The following SLC35A3 variants were observed in gnomAD, a reference collection of about 807,000 sequenced individuals.
The protein encoded by SLC35A3 is solute carrier family 35 member A3.
In SLC35A3, 26 loss-of-function variants were observed where a neutral mutation model predicts 39.0. That is an observed-to-expected ratio of 0.67 (90% confidence interval 0.49 to 0.92). SLC35A3 has a LOEUF of 0.92. Among genes scored for constraint, SLC35A3 ranks in the 40% least tolerant of loss-of-function variants. The pLI is 0.00. For synonymous variants in SLC35A3, 135 were observed against 133.1 expected, an observed-to-expected ratio of 1.01 and a Z score of -0.10; for missense variants, 299 against 371.6, an observed-to-expected ratio of 0.80 and a Z score of 1.61.
At chr1:99,997,398 TTATATATAGTTTTATATATATATATATA>T (rs1456745318) in intron 2 of SLC35A3, among the ~76,000 whole-genome samples, 1 of 102,056 alleles carries the variant, frequency 9.8e-6, no homozygotes, top group South Asian at 3.5e-4. Flanking sequence ...GTTATATGTT[TTATATATAGTTTTATATATATATATATA>T]TATATATATA....
At chr1:99,971,229 A>G (rs1433660618) in intron 1 of SLC35A3, among the ~76,000 whole-genome samples, 1 of 152,012 alleles carries the variant, frequency 6.6e-6, no homozygotes. Context: ...CATTTAATAA[A>G]TTTTATATTA....
rs1661328391 is a variant in SLC35A3 at position 100,033,173 on chromosome 1, G to A, written c.*10697G>A. 5 of 151,900 alleles carry A rather than the reference G, an allele frequency of 3.3e-5. No individual in the cohort carries two copies. The highest frequency in any genetic ancestry group is 3.3e-4 in the Admixed American group (5 of 15,244). 9.4% of individuals were successfully genotyped at this position (151,900 alleles called of 1,614,324 possible). A position where few individuals can be genotyped will look rare whatever the true frequency, so the allele number is the denominator to read the frequency against. On this transcript the variant is annotated 3_prime_UTR_variant, in exon 8 of 8. Transcript: ENST00000533028. ...ATTTACAACTAAAATTTAGCAACAT[G>A]GCCAGGTGCAGTGGCTCATCCCTGT... is the stretch of plus-strand genomic sequence containing the variant.
In SLC35A3 at chr1:100,022,862, A is replaced by G. The variant is rs1279302086; in HGVS notation, c.*386A>G. On this transcript the variant is annotated 3_prime_UTR_variant, in exon 8 of 8. Coordinates refer to ENST00000533028, the MANE Select transcript of SLC35A3 (RefSeq NM_012243.3). ...AATGTTTTTATCTTACTCTTTCTGT[A>G]CAGATATATCAAATCACATGAAATA... is the stretch of plus-strand genomic sequence containing the variant. The G allele has an allele frequency of 3.2e-5, 5 of 154,300 alleles. No homozygotes were observed. Among genetic ancestry groups the G allele is most frequent in the African/African-American group, 1.2e-4 (5 of 41,658 alleles). The allele number at this position is 154,300 out of a possible 1,614,324, so 9.6% of individuals were successfully genotyped here.
At chr1:100,007,970 T>C (rs932204124) in intron 4 of SLC35A3, 4 of 151,574 alleles carry the variant, frequency 2.6e-5, no homozygotes, top group Admixed American at 2.6e-4. Flanking sequence ...TTTTTTTTTT[T>C]TGAGATGGAG....
rs1301715884 is a variant in SLC35A3, at chr1:100,031,780, C to G, written c.*9304C>G. 3 of 152,040 alleles carry G rather than the reference C, an allele frequency of 2.0e-5. No individual in the cohort carries two copies. The highest frequency in any genetic ancestry group is 7.2e-5 in the African/African-American group (3 of 41,384). The allele number at this position is 152,040 out of a possible 1,614,324, so 9.4% of individuals were successfully genotyped here. A position where few individuals can be genotyped will look rare whatever the true frequency, so the allele number is the denominator to read the frequency against. ...TTTTGTTTTGGAACGAGGGTAAAAT[C>G]AAGGTTAATGCTTTGTATTTGATTG... On this transcript the variant is annotated 3_prime_UTR_variant, in exon 8 of 8. Coordinates refer to ENST00000533028, the MANE Select transcript of SLC35A3 (RefSeq NM_012243.3).
At chr1:99,970,869 C>T (rs1656764952) in intron 1 of SLC35A3, among the ~76,000 whole-genome samples, 2 of 152,240 alleles carry the variant, frequency 1.3e-5, no homozygotes, top group East Asian at 1.9e-4. Context: ...TTCACTTTCA[C>T]TGGTAAACTC....
rs929232459 is a variant in SLC35A3, at chr1:100,023,526, G to A, written c.*1050G>A. ...TCAAACAAATAGTACAGATGTCAGT[G>A]ACAGAACAAAATGACTTTTCTTGGA... On this transcript the variant is annotated 3_prime_UTR_variant, in exon 8 of 8. Coordinates refer to ENST00000533028, the MANE Select transcript of SLC35A3 (RefSeq NM_012243.3). 2 of 152,162 alleles carry A rather than the reference G, an allele frequency of 1.3e-5. No homozygotes were observed. The highest frequency in any genetic ancestry group is 1.9e-4 in the East Asian group (1 of 5,202). The allele number at this position is 152,162 out of a possible 1,614,324, so 9.4% of individuals were successfully genotyped here.
At chr1:100,016,551 T>G (rs1258047375) in intron 6 of SLC35A3, among the ~76,000 whole-genome samples, 1 of 151,382 alleles carries the variant, frequency 6.6e-6, no homozygotes, top group Non-Finnish European at 1.5e-5. Flanking sequence ...TTTTTTGTAT[T>G]TTTAGTAGAG....
At chr1:99,976,635 C>T (rs943527433) in intron 1 of SLC35A3, among the ~76,000 whole-genome samples, 7 of 152,134 alleles carry the variant, frequency 4.6e-5, no homozygotes, top group African/African-American at 1.7e-4. Context: ...AGCTATGAAA[C>T]ATGAGACTAT....
chr1:99,997,408 TTTTATATATATATATA>T lies in SLC35A3; in HGVS notation c.188-1851_188-1836del, dbSNP rs1481418301. ...ATACAGTTATATGTTTTATATATAG[TTTTATATATATATATA>T]TATATATATATATATATATATATAT... On this transcript the variant is annotated intron_variant, in intron 2 of 7. Coordinates refer to ENST00000533028, the MANE Select transcript of SLC35A3 (RefSeq NM_012243.3). Among the ~76,000 whole-genome samples the T allele has an allele frequency of 9.0e-4, 50 of 55,724 alleles. 2 individuals carry two copies. Among genetic ancestry groups the T allele is most frequent in the South Asian group, 2.5e-3 (3 of 1,182 alleles). 36.6% of individuals were successfully genotyped at this position (55,724 alleles called of 152,430 possible). A position where few individuals can be genotyped will look rare whatever the true frequency, so the allele number is the denominator to read the frequency against.
chr1:100,004,945 C>T (rs1325842429), intron 3 of SLC35A3, among the ~76,000 whole-genome samples: 13 of 151,762 alleles, frequency 8.6e-5, no homozygotes, highest in African/African-American at 1.9e-4. Context: ...TTAGTAGAGA[C>T]GGGGTTTCAT....
chr1:99,997,307 C>T (rs1003081979), intron 2 of SLC35A3, among the ~76,000 whole-genome samples: 5 of 150,300 alleles, frequency 3.3e-5, no homozygotes, highest in African/African-American at 1.2e-4. Context: ...AGAGATGTAG[C>T]AGTACTTTGA....
At chr1:99,970,863 C>T (rs957920268) in intron 1 of SLC35A3, among the ~76,000 whole-genome samples, 7 of 152,208 alleles carry the variant, frequency 4.6e-5, no homozygotes, top group African/African-American at 1.7e-4. Context: ...TTCTTATTCA[C>T]TTTCACTGGT....
intron 7 of SLC35A3, among the ~76,000 whole-genome samples, chr1:100,021,150 GTT>G (rs1660508440): frequency 6.6e-6 from 1 of 151,884 alleles, no homozygotes; most frequent in African/African-American, 2.4e-5. Flanking sequence ...ATCACTTGAG[GTT>G]AGGAGTTTGA....
intron 7 of SLC35A3, among the ~76,000 whole-genome samples, chr1:100,018,075 A>T (rs954483213): frequency 2.0e-5 from 3 of 152,230 alleles, no homozygotes; most frequent in Non-Finnish European, 2.9e-5. Context: ...AAAGTGATAT[A>T]AAAAAGTTAA....
chr1:99,991,788 C>T (rs186164655), intron 1 of SLC35A3, among the ~76,000 whole-genome samples: 98 of 152,140 alleles, frequency 6.4e-4, no homozygotes, highest in African/African-American at 9.2e-4. Flanking sequence ...CTTGCTCTGC[C>T]GCCAGGCTAG....
chr1:99,991,750 C>G (rs931862031), intron 1 of SLC35A3, among the ~76,000 whole-genome samples: 2 of 152,030 alleles, frequency 1.3e-5, no homozygotes, highest in Non-Finnish European at 2.9e-5. Flanking sequence ...CAAGTAAGAT[C>G]TGATAGATCT....
At chr1:100,012,839 G>A (rs956663437) in intron 5 of SLC35A3, among the ~76,000 whole-genome samples, 11 of 152,260 alleles carry the variant, frequency 7.2e-5, no homozygotes, top group African/African-American at 2.4e-4. Context: ...TAGAGGGCTG[G>A]TTAAATAAAT....
rs530389440 is a variant in SLC35A3, at chr1:100,025,836, G to A, written c.*3360G>A. 6.6e-6 allele frequency: 1 copy of A among 152,222 alleles called. No homozygotes were observed. The highest frequency in any genetic ancestry group is 6.5e-5 in the Admixed American group (1 of 15,304). 9.4% of individuals were successfully genotyped at this position (152,222 alleles called of 1,614,324 possible). On this transcript the variant is annotated 3_prime_UTR_variant, in exon 8 of 8. Coordinates refer to ENST00000533028, the MANE Select transcript of SLC35A3 (RefSeq NM_012243.3). ...CAATGTGAAAATGTGCTAACTCATG[G>A]GAGAAGAGTGCCAATTGATAGTTCT...
Sources: allele counts gnomAD v4.1 joint callset (sites outside exome capture counted in the v4.1 genomes callset), GRCh38; gene constraint gnomAD v4.1.1; transcripts MANE v1.5; gene names NCBI Gene and HGNC (gene_info 2026-07-23, HGNC 2026-07-21).